The following MICU3 variants were observed in gnomAD, a reference collection of about 807,000 sequenced individuals.
MICU3 encodes the protein mitochondrial calcium uptake 3.
A neutral mutation model predicts 66.5 loss-of-function variants in MICU3; 62 were observed. The ratio of observed to expected loss-of-function variants is 0.93; its 90% CI spans 0.76 to 1.15. MICU3 has a LOEUF of 1.15. Among genes scored for constraint, MICU3 ranks in the 50% most tolerant of loss-of-function variants. MICU3 has a pLI of 0.00. For synonymous variants in MICU3, 308 were observed against 240.7 expected (o/e 1.28, Z -2.59); for missense variants, 779 against 664.4 (o/e 1.17, Z -1.90).
chr8:17,036,287 G>T (rs1005521196), intron 1 of MICU3, among the ~76,000 whole-genome samples: 3 of 152,212 alleles, frequency 2.0e-5, no homozygotes, highest in South Asian at 2.1e-4. Context: ...GCAGATCTTC[G>T]CTGTGAGTGT....
At chr8:17,029,312 C>T (rs1396061925) in intron 1 of MICU3, among the ~76,000 whole-genome samples, 2 of 152,140 alleles carry the variant, frequency 1.3e-5, no homozygotes, top group African/African-American at 4.8e-5. Context: ...CTCGTCTCTA[C>T]TAAAAATACA....
At chr8:17,115,500 A>G (rs1802599354) in intron 12 of MICU3, among the ~76,000 whole-genome samples, 1 of 152,146 alleles carries the variant, frequency 6.6e-6, no homozygotes, top group Non-Finnish European at 1.5e-5. Flanking sequence ...CTGGAAAATG[A>G]AAAAAATTGA....
the MICU3 span, among the ~76,000 whole-genome samples, chr8:17,128,476 T>G: frequency 2.0e-4 from 31 of 152,294 alleles, no homozygotes; most frequent in African/African-American, 6.7e-4. Context: ...ACTTTGAAAT[T>G]TCAAAAATTG....
downstream of MICU3, chr8:17,122,739 C>G (rs965857426): frequency 6.6e-6 from 1 of 151,984 alleles, no homozygotes; most frequent in African/African-American, 2.4e-5. Flanking sequence ...TACTAAACCT[C>G]TTTTGATTTT....
intron 1 of MICU3, among the ~76,000 whole-genome samples, chr8:17,034,623 A>G (rs890156072): frequency 4.6e-5 from 7 of 152,182 alleles, no homozygotes; most frequent in Non-Finnish European, 8.8e-5. Context: ...GTTAATTCCA[A>G]CTTTCATGGA....
intron 11 of MICU3, among the ~76,000 whole-genome samples, chr8:17,110,880 T>C (rs1325421861): frequency 6.6e-6 from 1 of 152,122 alleles, no homozygotes; most frequent in African/African-American, 2.4e-5. Flanking sequence ...CCTGGTCTCA[T>C]AGTGTTTTTT....
At chr8:17,054,738 C>CTTTCTT (rs1816638419) in intron 1 of MICU3, among the ~76,000 whole-genome samples, 2 of 122,738 alleles carry the variant, frequency 1.6e-5, no homozygotes, top group East Asian at 5.2e-4. Context: ...TTCTTTCTTT[C>CTTTCTT]TTTTTTTTTT....
intron 8 of MICU3, among the ~76,000 whole-genome samples, chr8:17,091,965 A>C (rs551283159): frequency 5.9e-5 from 9 of 151,590 alleles, no homozygotes; most frequent in Non-Finnish European, 5.9e-5. Flanking sequence ...GCAACCTCCA[A>C]CTCCCTGGTT....
At chr8:17,086,891 C>A in intron 6 of MICU3, 73 bp from the exon 7 acceptor site, 1 of 907,588 alleles carries the variant, frequency 1.1e-6, no homozygotes, top group Non-Finnish European at 1.8e-6. Flanking sequence ...TGGAATATAC[C>A]TAGTCCAGAA....
chr8:17,027,353 T>A lies in MICU3; in HGVS notation c.74T>A (p.Leu25His). The A allele has an allele frequency of 6.6e-7, 1 of 1,509,982 alleles. No homozygotes were observed. The highest frequency in any genetic ancestry group is 8.8e-7 in the Non-Finnish European group (1 of 1,139,118). The allele number at this position is 1,509,982 out of a possible 1,614,324, so 93.5% of individuals were successfully genotyped here. Residue 25 changes from leucine to histidine, a missense_variant, in exon 1 of 15, where the codon CTT becomes CAT. By Grantham distance (99) the Leu-to-His change is moderately conservative. Coordinates refer to ENST00000318063, the MANE Select transcript of MICU3 (RefSeq NM_181723.3). ...SPPLCAHQPL[L>H]GPWGRPAVTT... is the part of the protein sequence containing the mutation. ...CCACTCTGCGCTCACCAGCCCCTCCTTGGGCCGTGGGGGCGGCCTGCGGTG... is the reference window on the plus strand; with the variant it reads ...CCACTCTGCGCTCACCAGCCCCTCCATGGGCCGTGGGGGCGGCCTGCGGTG...
At chr8:17,053,971 T>G (rs530286148) in intron 1 of MICU3, among the ~76,000 whole-genome samples, 12 of 152,346 alleles carry the variant, frequency 7.9e-5, no homozygotes, top group African/African-American at 2.9e-4. Context: ...ATGTTTCTAC[T>G]GTGTGGCCTC....
intron 1 of MICU3, among the ~76,000 whole-genome samples, chr8:17,053,511 G>T (rs1007765045): frequency 6.6e-6 from 1 of 152,156 alleles, no homozygotes; most frequent in African/African-American, 2.4e-5. Context: ...TCTAAGTAAG[G>T]TTGCAAAGGT....
At position 17,122,120 on chromosome 8, in the gene MICU3, G is replaced by C. The variant is rs993607480; in HGVS notation, c.*1833G>C. 1 of 151,770 alleles carries C rather than the reference G, an allele frequency of 6.6e-6. No individual in the cohort carries two copies. 9.4% of individuals were successfully genotyped at this position (151,770 alleles called of 1,614,324 possible). On this transcript the variant is annotated 3_prime_UTR_variant, in exon 15 of 15. Coordinates refer to ENST00000318063, the MANE Select transcript of MICU3 (RefSeq NM_181723.3). ...CATTTTCCCAAGGAAGAATAGCATT[G>C]TACATATGCAATCTTTATTTTATTC...
rs1448456682 is a variant in MICU3, at chr8:17,087,026, T to C, written c.840T>C (p.Arg280=). ...KREIKGDEEK[R]AMLRLQLYGY... Reference sequence around the variant, plus strand: ...AAATTAAAGGAGATGAAGAAAAGCGTGCAATGCTGGTAAGAATACTTTATA... The same window carrying C: ...AAATTAAAGGAGATGAAGAAAAGCGCGCAATGCTGGTAAGAATACTTTATA... The change falls in exon 7 of 15, where the codon CGT becomes CGC. Residue 280 remains arginine, a synonymous_variant. Transcript: ENST00000318063. 2 of 1,603,824 alleles carry C rather than the reference T, an allele frequency of 1.2e-6. No individual in the cohort carries two copies. The highest frequency in any genetic ancestry group is 1.7e-5 in the Admixed American group (1 of 59,740).
chr8:17,090,423 T>C (rs1468350434), intron 7 of MICU3, 123 bp from the exon 8 acceptor site: 3 of 735,260 alleles, frequency 4.1e-6, no homozygotes, highest in Admixed American at 2.5e-5. Context: ...CTATATAAAA[T>C]GTAGCATAAT....
At chr8:17,114,270 C>G in intron 12 of MICU3, 69 bp downstream of exon 12, 1 of 983,222 alleles carries the variant, frequency 1.0e-6, no homozygotes, top group East Asian at 2.5e-5. Flanking sequence ...TTTTGGCAAC[C>G]AATTAATTAA....
At chr8:17,085,178 T>C in intron 5 of MICU3, 58 bp from the exon 6 acceptor site, 4 of 1,164,036 alleles carry the variant, frequency 3.4e-6, no homozygotes, top group Non-Finnish European at 5.1e-6. Flanking sequence ...AATATGGATT[T>C]TGTACTTTAA....
At chr8:17,055,783 A>G (rs1198955620) in intron 1 of MICU3, among the ~76,000 whole-genome samples, 1 of 152,196 alleles carries the variant, frequency 6.6e-6, no homozygotes, top group African/African-American at 2.4e-5. Context: ...TTATGTGAGA[A>G]AGAAAGACAC....
intron 11 of MICU3, among the ~76,000 whole-genome samples, chr8:17,108,127 A>G (rs1371618040): frequency 6.6e-6 from 1 of 152,178 alleles, no homozygotes; most frequent in Non-Finnish European, 1.5e-5. Flanking sequence ...CTTGAACCAC[A>G]GGCTGAAACA....
Sources: gnomAD v4.1 joint callset for allele counts (sites outside exome capture counted in the v4.1 genomes callset) on GRCh38, gnomAD v4.1.1 for gene constraint, MANE v1.5 for transcripts, NCBI Gene and HGNC (gene_info 2026-07-23, HGNC 2026-07-21) for gene names.